SYT16: variants seen among roughly 807,000 people sequenced by gnomAD.
SYT16 encodes the protein synaptotagmin-16.
In SYT16, 42 loss-of-function variants were observed where a neutral mutation model predicts 61.4. That is an observed-to-expected ratio of 0.68 (90% CI 0.53 to 0.89). The LOEUF is 0.89. SYT16 is among the 40% of genes least tolerant of loss of function. The pLI, the probability that SYT16 is intolerant of heterozygous loss-of-function variation, is 0.00. For synonymous variants in SYT16, 314 were observed against 302.3 expected, an observed-to-expected ratio of 1.04 and a Z score of -0.40; for missense variants, 804 against 807.3, an observed-to-expected ratio of 1.00 and a Z score of 0.05.
intron 1 of SYT16, among the ~76,000 whole-genome samples, chr14:61,961,419 A>C (rs1466436242): frequency 1.3e-5 from 2 of 152,158 alleles, no homozygotes; most frequent in African/African-American, 4.8e-5. Context: ...AAAAAAACTT[A>C]CAAGCAAAAA....
intron 1 of SYT16, among the ~76,000 whole-genome samples, chr14:61,911,419 A>G (rs1156509512): frequency 6.6e-6 from 1 of 152,218 alleles, no homozygotes; most frequent in Non-Finnish European, 1.5e-5. Context: ...TCTGGATTAT[A>G]TCACATCAGA....
chr14:61,849,746 C>T (rs2046554761), intron 1 of SYT16, among the ~76,000 whole-genome samples: 2 of 152,146 alleles, frequency 1.3e-5, no homozygotes, highest in Admixed American at 1.3e-4. Context: ...TCTTTAGTGC[C>T]TCTTTCAGTG....
intron 1 of SYT16, among the ~76,000 whole-genome samples, chr14:61,856,913 T>C (rs2046794311): frequency 6.6e-6 from 1 of 152,052 alleles, no homozygotes; most frequent in Non-Finnish European, 1.5e-5. Flanking sequence ...ACACGATATT[T>C]AATATCCTAG....
chr14:62,011,383 A>G (rs78531145), intron 3 of SYT16, among the ~76,000 whole-genome samples: 2,458 of 152,264 alleles, frequency 0.016, 41 homozygotes, highest in Admixed American at 0.028. Flanking sequence ...TCCAGTGGAG[A>G]AAAATAAAAA....
rs530323081 is a variant in SYT16 at position 61,865,075 on chromosome 14, C to A, written c.-325+52265C>A. The A allele has an allele frequency of 4.4e-6, 6 of 1,378,524 alleles. No individual in the cohort carries two copies. In the South Asian group the frequency reaches 4.6e-5, roughly 11 times the overall value. The allele number at this position is 1,378,524 out of a possible 1,614,324, so 85.4% of individuals were successfully genotyped here. ...GCTGCAGGCTCGACTGTGCAGCTTGCGGGAAATGGCCCACTGTGACTCATC... is the reference window on the plus strand; with the variant it reads ...GCTGCAGGCTCGACTGTGCAGCTTGAGGGAAATGGCCCACTGTGACTCATC... On this transcript the variant is annotated intron_variant, in intron 1 of 7. Transcript: ENST00000683842.
chr14:61,995,852 A>G, intron 2 of SYT16, 24 bp from the exon 3 acceptor site: 1 of 642,082 alleles, frequency 1.6e-6, no homozygotes, highest in Non-Finnish European at 2.5e-6. Context: ...TAACAGGTGT[A>G]AGTATTTCTT....
chr14:61,980,740 A>T (rs1039828257), intron 2 of SYT16, among the ~76,000 whole-genome samples: 1 of 152,212 alleles, frequency 6.6e-6, no homozygotes, highest in Admixed American at 6.5e-5. Flanking sequence ...AACCAAACGT[A>T]AAGAGGCAAA....
intron 1 of SYT16, among the ~76,000 whole-genome samples, chr14:61,889,271 C>A (rs1188380088): frequency 6.6e-6 from 1 of 152,080 alleles, no homozygotes; most frequent in Non-Finnish European, 1.5e-5. Flanking sequence ...CTGGCTAAGC[C>A]AAATTGTTAT....
chr14:62,015,874 A>G (rs2053653030), intron 3 of SYT16, among the ~76,000 whole-genome samples: 1 of 152,198 alleles, frequency 6.6e-6, no homozygotes, highest in South Asian at 2.1e-4. Context: ...GCCTGAACGA[A>G]CTAAAATAAG....
chr14:61,939,722 A>T lies in SYT16; in HGVS notation c.-324-30410A>T, dbSNP rs140473286. Reference sequence around the variant, plus strand: ...CTGAGGTACTAGGGGTTAGGATTTCAATCTGTGAATTTTATGGGAGACACA... The same window carrying T: ...CTGAGGTACTAGGGGTTAGGATTTCTATCTGTGAATTTTATGGGAGACACA... On this transcript the variant is annotated intron_variant, in intron 1 of 7. Coordinates refer to ENST00000683842, the MANE Select transcript of SYT16 (RefSeq NM_001367656.1). Among the ~76,000 whole-genome samples the T allele has an allele frequency of 2.3e-3, 343 of 152,272 alleles. 3 individuals carry two copies. The highest frequency in any genetic ancestry group is 7.9e-3 in the African/African-American group (330 of 41,544).
chr14:61,948,521 G>A (rs939152462), intron 1 of SYT16, among the ~76,000 whole-genome samples: 25 of 152,122 alleles, frequency 1.6e-4, no homozygotes, highest in Admixed American at 1.1e-3. Flanking sequence ...GAAGCACTCC[G>A]CTAAGAATGA....
At chr14:62,071,395 A>G (rs2056294385) in intron 4 of SYT16, among the ~76,000 whole-genome samples, 1 of 152,184 alleles carries the variant, frequency 6.6e-6, no homozygotes, top group Non-Finnish European at 1.5e-5. Context: ...TCTAACCCTT[A>G]TCCTTCCTGG....
chr14:61,858,144 G>GA, intron 1 of SYT16, among the ~76,000 whole-genome samples: 1 of 100,604 alleles, frequency 9.9e-6, no homozygotes, highest in Admixed American at 9.6e-5. Context: ...AAAAAAAAAA[G>GA]AAAGAAAAAA....
chr14:62,069,896 T>G, intron 4 of SYT16, 81 bp downstream of exon 4: 1 of 1,454,632 alleles, frequency 6.9e-7, no homozygotes, highest in Non-Finnish European at 9.5e-7. Context: ...CCCTCTGCAC[T>G]CTGCATCTGA....
intron 1 of SYT16, among the ~76,000 whole-genome samples, chr14:61,846,074 A>G (rs1338838095): frequency 6.6e-6 from 1 of 152,080 alleles, no homozygotes; most frequent in African/African-American, 2.4e-5. Context: ...TTGTTTTTTG[A>G]CCTAACATAT....
chr14:61,840,857 G>A (rs916911080), intron 1 of SYT16, among the ~76,000 whole-genome samples: 14 of 152,162 alleles, frequency 9.2e-5, no homozygotes, highest in African/African-American at 3.4e-4. Flanking sequence ...AGGCAGCTTA[G>A]TATTCCAATA....
At chr14:61,831,083 T>C (rs2045922566) in intron 1 of SYT16, among the ~76,000 whole-genome samples, 1 of 152,236 alleles carries the variant, frequency 6.6e-6, no homozygotes, top group South Asian at 2.1e-4. Flanking sequence ...CAGATGACAT[T>C]TGCCAATGTC....
intron 3 of SYT16, among the ~76,000 whole-genome samples, chr14:61,999,363 A>T (rs1241428547): frequency 6.6e-6 from 1 of 151,614 alleles, no homozygotes; most frequent in African/African-American, 2.4e-5. Flanking sequence ...GAGTTTTTCA[A>T]ATTTTTTCAT....
At chr14:61,843,426 A>G (rs975514740) in intron 1 of SYT16, among the ~76,000 whole-genome samples, 1 of 152,034 alleles carries the variant, frequency 6.6e-6, no homozygotes. Flanking sequence ...CCATTTATCC[A>G]TTTTTGCTTT....
Sources: allele counts gnomAD v4.1 joint callset (sites outside exome capture counted in the v4.1 genomes callset), GRCh38; gene constraint gnomAD v4.1.1; transcripts MANE v1.5; gene names NCBI Gene and HGNC (gene_info 2026-07-23, HGNC 2026-07-21).